Variants in C12orf42 observed in about 807,000 individuals in gnomAD.
The protein encoded by C12orf42 is chromosome 12 open reading frame 42.
Under a neutral mutation model 21.6 loss-of-function variants are expected in C12orf42, and 25 were observed. The ratio of observed to expected loss-of-function variants is 1.16; its 90% confidence interval spans 0.84 to 1.62. The LOEUF is 1.62. Ranked by LOEUF, C12orf42 falls within the 40% of genes most tolerant of loss-of-function variation. The pLI, the probability that C12orf42 is intolerant of heterozygous loss-of-function variation, is 0.00. For synonymous variants in C12orf42, 174 were observed against 175.0 expected (o/e 0.99, Z 0.05); for missense variants, 483 against 459.3 (o/e 1.05, Z -0.47).
At chr12:103,107,123 T>C in the C12orf42 span, among the ~76,000 whole-genome samples, 1 of 151,972 alleles carries the variant, frequency 6.6e-6, no homozygotes, top group African/African-American at 2.4e-5. Flanking sequence ...AAGCAGCAAT[T>C]GGCAAACTTG....
At chr12:103,144,494 G>A in the C12orf42 span, among the ~76,000 whole-genome samples, 1 of 152,172 alleles carries the variant, frequency 6.6e-6, no homozygotes. Context: ...ATGAGATATC[G>A]TAGAGGCAGA....
chr12:103,477,642 C>T (rs1397274237), intron 2 of C12orf42, among the ~76,000 whole-genome samples: 2 of 152,188 alleles, frequency 1.3e-5, no homozygotes, highest in African/African-American at 2.4e-5. Flanking sequence ...AGACTGAACC[C>T]TCTGTAACTT....
the C12orf42 span, among the ~76,000 whole-genome samples, chr12:103,183,285 T>C: frequency 2.0e-4 from 31 of 152,350 alleles, no homozygotes; most frequent in Non-Finnish European, 1.5e-5. Context: ...TTTCACCATG[T>C]TGGCCAGGGT....
At chr12:103,083,913 C>G in the C12orf42 span, among the ~76,000 whole-genome samples, 1 of 152,158 alleles carries the variant, frequency 6.6e-6, no homozygotes, top group African/African-American at 2.4e-5. Flanking sequence ...AATGAAAAAA[C>G]TGTATCTCCA....
the C12orf42 span, among the ~76,000 whole-genome samples, chr12:103,542,265 A>G: frequency 6.6e-6 from 1 of 152,358 alleles, no homozygotes. Flanking sequence ...TATTCATTAC[A>G]TAGTATGAAC....
chr12:103,236,381 C>T (rs2033467457), downstream of C12orf42, among the ~76,000 whole-genome samples: 1 of 152,168 alleles, frequency 6.6e-6, no homozygotes, highest in African/African-American at 2.4e-5. Flanking sequence ...TCTCTGAAAA[C>T]ACTTACCTTG....
intron 2 of C12orf42, among the ~76,000 whole-genome samples, chr12:103,409,245 A>G (rs1593868786): frequency 6.6e-6 from 1 of 152,182 alleles, no homozygotes. Flanking sequence ...AGGGAAATTC[A>G]ATTGTATTTA....
rs112297772 is a variant in C12orf42 at position 103,399,385 on chromosome 12, T to C, written c.147+2222A>G. Among the ~76,000 whole-genome samples, 1,172 of 151,998 alleles carry C rather than the reference T, an allele frequency of 7.7e-3. 13 individuals are homozygous for C. The highest frequency in any genetic ancestry group is 0.027 in the African/African-American group (1,101 of 41,444). ...TGTTGTTGTTTATTTGTTTGTTTGT[T>C]TGAAACAGAGTCTCACTCTGTCGCC... On this transcript the variant is annotated intron_variant, in intron 3 of 5. Transcript: ENST00000548883.
Position 103,305,973 on chromosome 12 carries a change from C to A in C12orf42, c.631+1G>T, listed in dbSNP as rs749759295. 2.5e-6 allele frequency: 4 copies of A among 1,597,810 alleles called. No homozygotes were observed. The highest frequency in any genetic ancestry group is 1.3e-5 in the African/African-American group (1 of 74,560). On this transcript the variant is annotated splice_donor_variant, in intron 5 of 5. Coordinates refer to ENST00000548883, the MANE Select transcript of C12orf42 (RefSeq NM_198521.5). LOFTEE classifies it high-confidence loss of function. ...GTCAGTAACCACAACATGATACTTA[C>A]CAGAATTTTTCTTGGGACTGCTCAA...
chr12:103,203,254 A>T, the C12orf42 span, among the ~76,000 whole-genome samples: 1,438 of 152,080 alleles, frequency 9.5e-3, 28 homozygotes, highest in African/African-American at 0.033. Context: ...TGGATGGGGG[A>T]TTGCCCCTGA....
At chr12:103,210,105 G>T in the C12orf42 span, among the ~76,000 whole-genome samples, 840 of 149,406 alleles carry the variant, frequency 5.6e-3, 5 homozygotes, top group African/African-American at 0.02. Context: ...ATTTTCTATT[G>T]TGTTTCTAAA....
At chr12:103,170,715 TC>T in the C12orf42 span, among the ~76,000 whole-genome samples, 22 of 152,176 alleles carry the variant, frequency 1.4e-4, no homozygotes, top group African/African-American at 5.3e-4. Flanking sequence ...CCCCTTTTCA[TC>T]ACTCCATTTA....
At position 103,352,048 on chromosome 12, in the gene C12orf42, T is replaced by G. The variant is rs953395568; in HGVS notation, c.259+16839A>C. ...CCTGCTCCAAGCTCCCAGGAGCCCA[T>G]CCTCACCCAGCTACCACCACAAGCT... On this transcript the variant is annotated intron_variant, in intron 4 of 5. Transcript: ENST00000548883. Among the ~76,000 whole-genome samples, 3 of 151,858 alleles carry G rather than the reference T, an allele frequency of 2.0e-5. No individual in the cohort carries two copies. The South Asian group carries it at 6.2e-4, about 32-fold the overall frequency.
the C12orf42 span, among the ~76,000 whole-genome samples, chr12:103,050,165 C>T: frequency 1.3e-5 from 2 of 152,160 alleles, no homozygotes; most frequent in Admixed American, 6.5e-5. Flanking sequence ...ACAAGTTTAG[C>T]ACTGTGCCTG....
At chr12:103,506,834 ATT>A in the C12orf42 span, among the ~76,000 whole-genome samples, 1 of 68,206 alleles carries the variant, frequency 1.5e-5, no homozygotes, top group South Asian at 6.9e-4. Context: ...ATATTTATAT[ATT>A]ATATATATAT....
chr12:103,493,501 G>A lies in C12orf42; in HGVS notation c.-22+2401C>T, dbSNP rs113496686. Among the ~76,000 whole-genome samples the A allele has an allele frequency of 9.6e-3, 1,457 of 152,064 alleles. 23 individuals are homozygous for A. The highest frequency in any genetic ancestry group is 0.033 in the African/African-American group (1,367 of 41,444). On this transcript the variant is annotated intron_variant, in intron 1 of 5. Coordinates refer to ENST00000548883, the MANE Select transcript of C12orf42 (RefSeq NM_198521.5). Reference sequence around the variant, plus strand: ...CCTGAGAGCCTTTGCACGTGCCTCTGCTTGCTTGGTGTTCCCCTGCATTCT... The same window carrying A: ...CCTGAGAGCCTTTGCACGTGCCTCTACTTGCTTGGTGTTCCCCTGCATTCT...
chr12:103,485,203 TC>T (rs1954752556), intron 1 of C12orf42, among the ~76,000 whole-genome samples: 1 of 152,178 alleles, frequency 6.6e-6, no homozygotes, highest in Admixed American at 6.5e-5. Context: ...TAGCCAGTTT[TC>T]CCAGCACCAT....
At chr12:103,222,885 G>A in the C12orf42 span, among the ~76,000 whole-genome samples, 1 of 150,502 alleles carries the variant, frequency 6.6e-6, no homozygotes, top group East Asian at 1.9e-4. Flanking sequence ...AAGCCCAGGA[G>A]TTTGCCACTC....
At chr12:103,115,504 A>G in the C12orf42 span, among the ~76,000 whole-genome samples, 1 of 152,256 alleles carries the variant, frequency 6.6e-6, no homozygotes, top group Non-Finnish European at 1.5e-5. Context: ...TATTTAGGGC[A>G]TATGGAGAAG....
Sources: gnomAD v4.1 joint callset for allele counts (sites outside exome capture counted in the v4.1 genomes callset) on GRCh38, gnomAD v4.1.1 for gene constraint, MANE v1.5 for transcripts, NCBI Gene and HGNC (gene_info 2026-07-23, HGNC 2026-07-21) for gene names.